The following AGRN variants were observed in gnomAD, a reference collection of about 807,000 sequenced individuals.
The protein encoded by AGRN is agrin proteoglycan.
In AGRN, 106 loss-of-function variants were observed where a neutral mutation model predicts 211.0. The observed-to-expected ratio is 0.50, with a 90% CI of 0.43 to 0.59. The LOEUF is 0.59. Ranked by LOEUF, AGRN falls within the 20% of genes least tolerant of loss-of-function variation. The pLI is 0.00. For missense variants in AGRN, 3,040 were observed against 2,982.6 expected, an observed-to-expected ratio of 1.02 and a Z score of -0.45; for synonymous variants, 1,525 against 1,332.5, an observed-to-expected ratio of 1.14 and a Z score of -3.15.
In AGRN at chr1:1,035,274, CA is replaced by C. The variant is rs1260399721; in HGVS notation, c.464-2del. On this transcript the variant is annotated splice_acceptor_variant, in intron 2 of 35. Coordinates refer to ENST00000379370, the MANE Select transcript of AGRN (RefSeq NM_198576.4). LOFTEE classifies it high-confidence loss of function. ...CCTAACTTGGGGATTTGTTTTCTTC[CA>C]GATAAACCCGGGACCCACTTCACTC... is the stretch of plus-strand genomic sequence containing the variant. The C allele has an allele frequency of 1.2e-6, 2 of 1,612,906 alleles. No individual in the cohort carries two copies. Among genetic ancestry groups the C allele is most frequent in the Admixed American group, 1.7e-5 (1 of 60,006 alleles).
At position 1,043,937 on chromosome 1, in the gene AGRN, C is replaced by T. The variant is rs1645018936; in HGVS notation, c.1913C>T (p.Thr638Ile). The change falls in exon 10 of 36, where the codon ACC becomes ATC. Residue 638 changes from threonine to isoleucine, a missense_variant. Physicochemically the swap from Thr to Ile is moderately conservative, Grantham distance 89. This residue lies in a region of AGRN where 1,498 missense variants were observed against 1,457.8 expected (regional missense o/e 1.03). Coordinates refer to ENST00000379370, the MANE Select transcript of AGRN (RefSeq NM_198576.4). ...PGPVCGSDGV[T>I]YGSACELREA... Reference sequence around the variant, plus strand: ...CCCGTGTGTGGCAGCGACGGTGTCACCTACGGCAGTGCCTGCGAGCTACGG... The same window carrying T: ...CCCGTGTGTGGCAGCGACGGTGTCATCTACGGCAGTGCCTGCGAGCTACGG... 6.2e-7 allele frequency: 1 copy of T among 1,608,554 alleles called. No homozygotes were observed. Among genetic ancestry groups the T allele is most frequent in the South Asian group, 1.1e-5 (1 of 90,910 alleles).
rs777163307 is a variant in AGRN at position 1,049,984 on chromosome 1, G to A, written c.4826G>A (p.Gly1609Asp). The change falls in exon 27 of 36, where the codon GGT (glycine) becomes GAT (aspartate). Residue 1609 changes from glycine to aspartate, a missense_variant. Transcript: ENST00000379370. ...GCGCCCTGCCGTGTGCTGCCCGAGG[G>A]TGGTGCTCAGTGCGAGTGCCCCCTG... ...GAAPCRVLPEGGAQCECPLGR... is the reference protein window; with the variant it reads ...GAAPCRVLPEDGAQCECPLGR... 7 of 1,612,082 alleles carry A rather than the reference G, an allele frequency of 4.3e-6. No individual in the cohort carries two copies. The East Asian group carries it at 1.6e-4, about 36-fold the overall frequency.
Position 1,032,784 on chromosome 1 carries a change from G to A in AGRN, c.464-2493G>A, listed in dbSNP as rs1452035952. Among the ~76,000 whole-genome samples, 3 of 152,184 alleles carry A rather than the reference G, an allele frequency of 2.0e-5. No individual in the cohort carries two copies. The highest frequency in any genetic ancestry group is 2.1e-4 in the South Asian group (1 of 4,836). On this transcript the variant is annotated intron_variant, in intron 2 of 35. Transcript: ENST00000379370. The surrounding 1 kb of genome is among the most constrained non-coding windows in gnomAD (Gnocchi z 4.7). ...GGACAGAGGAGAGGGCAGGGTAATG[G>A]GTGCGCAGGGGTCCCTTCCAAAGGC...
rs1645002011 is a variant in AGRN at position 1,043,451 on chromosome 1, C to T, written c.1597C>T (p.Pro533Ser). ...GGAGATCCAGGTGGCGCGCAAAGGA[C>T]CCTGTGGTCAGTGGCGGGTGAGGGG... Reference protein sequence around the residue: ...GREIQVARKGPCDRCGQCRFG... With the variant: ...GREIQVARKGSCDRCGQCRFG... The change falls in exon 8 of 36, where the codon CCC becomes TCC. Residue 533 changes from proline to serine, a missense_variant. By Grantham distance (74) the Pro-to-Ser change is moderately conservative (BLOSUM62 -1). Transcript: ENST00000379370. 1 of 1,606,544 alleles carries T rather than the reference C, an allele frequency of 6.2e-7. No homozygotes were observed. Among genetic ancestry groups the T allele is most frequent in the Non-Finnish European group, 8.5e-7 (1 of 1,179,146 alleles).
At chr1:1,035,387 T>C (rs1644779797) in intron 3 of AGRN, 63 bp downstream of exon 3, 8 of 1,587,128 alleles carry the variant, frequency 5.0e-6, no homozygotes, top group Non-Finnish European at 2.6e-6. Context: ...TCAGGGGCCA[T>C]TTGGAGGTGT....
intron 12 of AGRN, among the ~76,000 whole-genome samples, chr1:1,044,686 C>A (rs573219864): frequency 6.6e-6 from 1 of 152,154 alleles, no homozygotes; most frequent in Non-Finnish European, 1.5e-5. Context: ...GTGAACCATG[C>A]GGGGCCCCAC....
chr1:1,051,070 C>T (rs555244216), intron 30 of AGRN, 183 bp from the exon 31 acceptor site: 26 of 1,547,956 alleles, frequency 1.7e-5, no homozygotes, highest in African/African-American at 2.7e-5. Context: ...ATCCGCTCAC[C>T]GTCTCTGGCG....
Position 1,048,596 on chromosome 1 carries a change from C to G in AGRN, c.4105+231C>G. On this transcript the variant is annotated intron_variant, in intron 23 of 35. Coordinates refer to ENST00000379370, the MANE Select transcript of AGRN (RefSeq NM_198576.4). This position sits in a 1 kb window ranked among gnomAD's most constrained non-coding sequence, Gnocchi z 5.9. ...GACCAGCCTGACCAACATGGAGACA[C>G]TCTGTCTCTACTAAAAATACAAAAT... is the stretch of plus-strand genomic sequence containing the variant. 1 of 592,634 alleles carries G rather than the reference C, an allele frequency of 1.7e-6. No homozygotes were observed. The highest frequency in any genetic ancestry group is 2.9e-6 in the Non-Finnish European group (1 of 341,902). The allele number at this position is 592,634 out of a possible 1,614,324, so 36.7% of individuals were successfully genotyped here.
In AGRN at chr1:1,035,343, G is replaced by A. The variant is rs200933570; in HGVS notation, c.511+19G>A. 2.4e-5 allele frequency: 38 copies of A among 1,612,816 alleles called. No individual in the cohort carries two copies. Among genetic ancestry groups the A allele is most frequent in the Non-Finnish European group, 2.9e-5 (34 of 1,179,920 alleles). ...CCTGATGGTGAGTAGGGCTGAGTTCGGGGGACCTGGATGGGCTGTGGCACT... is the reference window on the plus strand; with the variant it reads ...CCTGATGGTGAGTAGGGCTGAGTTCAGGGGACCTGGATGGGCTGTGGCACT... On this transcript the variant is annotated intron_variant, in intron 3 of 35. Coordinates refer to ENST00000379370, the MANE Select transcript of AGRN (RefSeq NM_198576.4).
At chr1:1,035,925 G>A (rs1035094584) in intron 3 of AGRN, among the ~76,000 whole-genome samples, 6 of 152,140 alleles carry the variant, frequency 3.9e-5, no homozygotes, top group African/African-American at 1.4e-4. Flanking sequence ...TGCTCCTGGT[G>A]TTTGGGCCAC....
rs1212778722 is a variant in AGRN at position 1,050,714 on chromosome 1, C to T, written c.5142-12C>T. 3.1e-6 allele frequency: 5 copies of T among 1,600,536 alleles called. No homozygotes were observed. In the East Asian group the frequency reaches 6.7e-5, roughly 22 times the overall value. ...GTGGACAGAGCCCACTCACGCTGCCCCTCCTCACCAGGAGCAGGGAGCCAG... is the reference window on the plus strand; with the variant it reads ...GTGGACAGAGCCCACTCACGCTGCCTCTCCTCACCAGGAGCAGGGAGCCAG... On this transcript the variant is annotated splice_polypyrimidine_tract_variant and intron_variant, in intron 29 of 35. Coordinates refer to ENST00000379370, the MANE Select transcript of AGRN (RefSeq NM_198576.4).
rs566439735 is a variant in AGRN at position 1,042,060 on chromosome 1, G to A, written c.1282G>A (p.Val428Met). ...CACCTGTGACGGGGCCTACAGGCCC[G>A]TGTGTGCCCAGGACGGGCGCACGTA... ...RVTCDGAYRP[V>M]CAQDGRTYDS... The change falls in exon 7 of 36, where the codon GTG (valine) becomes ATG (methionine). Residue 428 changes from valine (V) to methionine (M), a missense_variant. Around this residue, in one of 3 missense-constraint regions of AGRN, gnomAD observed 1,498 missense variants for 1,457.8 expected, o/e 1.03. Coordinates refer to ENST00000379370, the MANE Select transcript of AGRN (RefSeq NM_198576.4). 1.0e-4 allele frequency: 168 copies of A among 1,607,840 alleles called. 1 individual carries two copies. In the South Asian group the frequency reaches 1.6e-3, roughly 15 times the overall value.
Position 1,054,538 on chromosome 1 carries a change from A to C in AGRN, c.5967A>C (p.Gly1989=), listed in dbSNP as rs1169726007. 2 of 1,598,390 alleles carry C rather than the reference A, an allele frequency of 1.3e-6. No individual in the cohort carries two copies. Among genetic ancestry groups the C allele is most frequent in the South Asian group, 2.3e-5 (2 of 88,442 alleles). Reference sequence around the variant, plus strand: ...GCGCCACGCAGCTGGACACTGATGGAGCCCTGTGGCTTGGTGAGTGTTTTG... The same window carrying C: ...GCGCCACGCAGCTGGACACTGATGGCGCCCTGTGGCTTGGTGAGTGTTTTG... ...PLGATQLDTD[G]ALWLGGLPEL... The change falls in exon 35 of 36, where the codon GGA becomes GGC. Residue 1989 remains glycine (G), a synonymous_variant. Transcript: ENST00000379370.
chr1:1,054,890 G>T lies in AGRN; in HGVS notation c.6047G>T (p.Cys2016Phe). ...GCCTACGGCACAGGCTTTGTGGGCT[G>T]CTTGCGGGACGTGGTGGTGGGCCGG... is the stretch of plus-strand genomic sequence containing the variant. ...PKAYGTGFVG[C>F]LRDVVVGRHP... is the part of the protein sequence containing the mutation. Residue 2016 changes from cysteine to phenylalanine, a missense_variant, in exon 36 of 36, where the codon TGC becomes TTC. Cys to Phe is a radical substitution (Grantham distance 205, BLOSUM62 -2). Around this residue, in one of 3 missense-constraint regions of AGRN, gnomAD observed 1,537 missense variants for 1,505.0 expected, o/e 1.02. Transcript: ENST00000379370. 1 of 1,552,890 alleles carries T rather than the reference G, an allele frequency of 6.4e-7. No individual in the cohort carries two copies.
In AGRN at chr1:1,050,192, C is replaced by T. The variant is rs763798257; in HGVS notation, c.4880-41C>T. 13 of 1,610,516 alleles carry T rather than the reference C, an allele frequency of 8.1e-6. No homozygotes were observed. In the South Asian group the frequency reaches 1.3e-4, roughly 16 times the overall value. On this transcript the variant is annotated intron_variant, in intron 27 of 35. Transcript: ENST00000379370. ...ACGGCTGGCATGGGGTGCAGGAGGC[C>T]CCGGGGGTCAGGACTGAGGCCTTGG...
chr1:1,029,417 C>CAGTGTCTATGCAGGCAGGTGGGGGGGAG (rs1644599866), intron 2 of AGRN, among the ~76,000 whole-genome samples: 2 of 60,090 alleles, frequency 3.3e-5, no homozygotes, highest in African/African-American at 1.4e-4. Flanking sequence ...GTGGGGGGGA[C>CAGTGTCTATGCAGGCAGGTGGGGGGGAG]ATCAGTGTCT....
intron 4 of AGRN, 65 bp downstream of exon 4, chr1:1,040,945 G>A (rs1644914357): frequency 1.7e-6 from 2 of 1,160,246 alleles, no homozygotes; most frequent in Admixed American, 4.7e-5. Flanking sequence ...GAGCGAGGCT[G>A]GGAGGGGCTT....
chr1:1,048,285 G>A lies in AGRN; in HGVS notation c.4025G>A (p.Gly1342Glu), dbSNP rs540571405. The change falls in exon 23 of 36, where the codon GGG (glycine) becomes GAG (glutamate). Residue 1342 changes from glycine (G) to glutamate (E), a missense_variant. Gly to Glu is a moderately conservative substitution (Grantham distance 98). Coordinates refer to ENST00000379370, the MANE Select transcript of AGRN (RefSeq NM_198576.4). The surrounding 1 kb of genome is among the most constrained non-coding windows in gnomAD (Gnocchi z 5.9). ...PCDSQPCFHG[G>E]TCQDWALGGG... ...GACTCACAGCCCTGCTTCCACGGGG[G>A]GACCTGCCAGGACTGGGCATTGGGC... The A allele has an allele frequency of 6.6e-7, 1 of 1,516,022 alleles. No individual in the cohort carries two copies. The highest frequency in any genetic ancestry group is 1.3e-5 in the South Asian group (1 of 77,294). 93.9% of individuals were successfully genotyped at this position (1,516,022 alleles called of 1,614,324 possible). A position where few individuals can be genotyped will look rare whatever the true frequency, so the allele number is the denominator to read the frequency against.
intron 7 of AGRN, among the ~76,000 whole-genome samples, chr1:1,042,592 G>A (rs1049431926): frequency 6.6e-6 from 1 of 152,156 alleles, no homozygotes; most frequent in Non-Finnish European, 1.5e-5. Flanking sequence ...CGTCGTGTTC[G>A]TCTTGGTCAG....
Sources: gnomAD v4.1 joint callset for allele counts (sites outside exome capture counted in the v4.1 genomes callset) on GRCh38, gnomAD v4.1.1 for gene constraint, gnomAD v4.1.1 regional missense constraint, Gnocchi (gnomAD v3.1) non-coding constraint, MANE v1.5 for transcripts, NCBI Gene and HGNC (gene_info 2026-07-23, HGNC 2026-07-21) for gene names.